Variants in PRMT9 observed in about 807,000 individuals in gnomAD.
PRMT9 encodes protein arginine N-methyltransferase 9.
PRMT9 carries 59 observed loss-of-function variants against 83.2 expected under a neutral mutation model. The observed-to-expected ratio is 0.71, with a 90% CI of 0.57 to 0.88. PRMT9 has a LOEUF of 0.88. Ranked by LOEUF, PRMT9 falls within the 40% of genes least tolerant of loss-of-function variation. The pLI is 0.00. For synonymous variants in PRMT9, 333 were observed against 353.2 expected, an observed-to-expected ratio of 0.94 and a Z score of 0.64; for missense variants, 947 against 1,021.9, an observed-to-expected ratio of 0.93 and a Z score of 1.00.
chr4:147,647,134 GCA>G (rs1733783206), intron 9 of PRMT9, among the ~76,000 whole-genome samples: 2 of 152,096 alleles, frequency 1.3e-5, no homozygotes, highest in Admixed American at 1.3e-4. Flanking sequence ...TAAAATGTAG[GCA>G]CAGTTAAATG....
At chr4:147,663,779 T>C (rs1735138057) in intron 6 of PRMT9, among the ~76,000 whole-genome samples, 2 of 152,216 alleles carry the variant, frequency 1.3e-5, no homozygotes, top group African/African-American at 4.8e-5. Context: ...TCTTCACTGT[T>C]AAAAGTTTAA....
At chr4:147,672,687 G>A (rs1191885523) in intron 4 of PRMT9, among the ~76,000 whole-genome samples, 2 of 152,116 alleles carry the variant, frequency 1.3e-5, no homozygotes, top group Non-Finnish European at 2.9e-5. Flanking sequence ...TTTTTACAAT[G>A]AGAACACTGA....
chr4:147,656,487 T>C (rs1290955035), intron 8 of PRMT9, among the ~76,000 whole-genome samples: 1 of 152,058 alleles, frequency 6.6e-6, no homozygotes, highest in East Asian at 1.9e-4. Flanking sequence ...AAATGAGGTC[T>C]TGCAGCCGGG....
intron 2 of PRMT9, among the ~76,000 whole-genome samples, chr4:147,678,653 C>T (rs546072649): frequency 6.6e-6 from 1 of 152,296 alleles, no homozygotes; most frequent in South Asian, 2.1e-4. Flanking sequence ...CAACAGCTGA[C>T]CTGCTTTTCT....
At chr4:147,680,537 T>C in intron 1 of PRMT9, 66 bp from the exon 2 acceptor site, 3 of 1,204,708 alleles carry the variant, frequency 2.5e-6, no homozygotes, top group Non-Finnish European at 3.6e-6. Flanking sequence ...TATACATCAT[T>C]AGTTGAAGAT....
intron 5 of PRMT9, among the ~76,000 whole-genome samples, chr4:147,669,154 C>T (rs1221834740): frequency 1.3e-5 from 2 of 151,836 alleles, no homozygotes; most frequent in Non-Finnish European, 2.9e-5. Flanking sequence ...TTTGGAAAGC[C>T]AAGGAGAGAG....
chr4:147,649,094 A>C (rs1206125100), intron 9 of PRMT9, among the ~76,000 whole-genome samples: 1 of 152,184 alleles, frequency 6.6e-6, no homozygotes, highest in African/African-American at 2.4e-5. Flanking sequence ...ACTACAACAG[A>C]CTGGGTAATT....
intron 10 of PRMT9, among the ~76,000 whole-genome samples, chr4:147,639,646 T>C (rs1295700229): frequency 2.0e-5 from 3 of 152,172 alleles, no homozygotes; most frequent in Non-Finnish European, 4.4e-5. Flanking sequence ...CCCAGATGTT[T>C]CCAATGTACA....
chr4:147,655,623 G>T (rs1445433099), intron 8 of PRMT9, among the ~76,000 whole-genome samples: 22 of 152,016 alleles, frequency 1.4e-4, no homozygotes, highest in Admixed American at 1.4e-3. Flanking sequence ...GATCACTGTG[G>T]CCTCAATCTC....
intron 1 of PRMT9, among the ~76,000 whole-genome samples, chr4:147,680,907 A>G (rs1391732833): frequency 6.6e-6 from 1 of 152,230 alleles, no homozygotes; most frequent in African/African-American, 2.4e-5. Context: ...AGACTCATAG[A>G]TACAGCTTCC....
chr4:147,662,815 C>T (rs1414538441), intron 6 of PRMT9, among the ~76,000 whole-genome samples: 2 of 151,580 alleles, frequency 1.3e-5, no homozygotes, highest in African/African-American at 4.8e-5. Flanking sequence ...ACAAAAAAAA[C>T]AAAAAAGAAA....
intron 8 of PRMT9, among the ~76,000 whole-genome samples, chr4:147,656,789 A>AC (rs1436988970): frequency 1.3e-5 from 2 of 149,494 alleles, no homozygotes; most frequent in Non-Finnish European, 1.5e-5. Context: ...AAAAAAAAAA[A>AC]AAAAAAGAAA....
At chr4:147,640,541 T>C (rs1578871352) in intron 10 of PRMT9, among the ~76,000 whole-genome samples, 1 of 152,170 alleles carries the variant, frequency 6.6e-6, no homozygotes. Flanking sequence ...CTGCCAAATT[T>C]AAATCTTCAG....
At chr4:147,677,890 G>T (rs892281056) in intron 2 of PRMT9, among the ~76,000 whole-genome samples, 1 of 151,928 alleles carries the variant, frequency 6.6e-6, no homozygotes, top group South Asian at 2.1e-4. Flanking sequence ...ACCATATAAA[G>T]AGTTTACATT....
At chr4:147,642,697 G>C (rs566861550) in intron 10 of PRMT9, 90 bp downstream of exon 10, 2 of 1,116,238 alleles carry the variant, frequency 1.8e-6, no homozygotes, top group South Asian at 1.2e-5. Context: ...TTTAGTCACT[G>C]TGTTTAGCTA....
intron 10 of PRMT9, 104 bp downstream of exon 10, chr4:147,642,683 A>C (rs1578874844): frequency 9.9e-7 from 1 of 1,006,828 alleles, no homozygotes. Context: ...TAATCCAGCT[A>C]AACTTTAGTC....
At position 147,657,938 on chromosome 4, in the gene PRMT9, A is replaced by G. The variant is rs764537941; in HGVS notation, c.1184T>C (p.Ile395Thr). Residue 395 changes from isoleucine (I) to threonine (T), a missense_variant, in exon 8 of 12, where the codon ATT (isoleucine) becomes ACT (threonine). Coordinates refer to ENST00000322396, the MANE Select transcript of PRMT9 (RefSeq NM_138364.4). ...GCCTTCTTTAATAACAGGAATACCA[A>G]TCTTATCAGGCTTTTTAGTTGCAAG... is the stretch of plus-strand genomic sequence containing the variant. ...KSLATKKPDK[I>T]GIPVIKEGIL... The G allele has an allele frequency of 6.2e-7, 1 of 1,607,510 alleles. No homozygotes were observed.
chr4:147,661,065 G>A lies in PRMT9; in HGVS notation c.954-27C>T, dbSNP rs370058516. ...TGGAGAGAGAGAAAATAGGGGAGGG[G>A]TAGGAAGATGGATTTTTTTAGAATC... On this transcript the variant is annotated intron_variant, in intron 6 of 11. Transcript: ENST00000322396. 23 of 1,472,314 alleles carry A rather than the reference G, an allele frequency of 1.6e-5. No homozygotes were observed. In the African/African-American group the frequency reaches 1.9e-4, roughly 12 times the overall value. 91.2% of individuals were successfully genotyped at this position (1,472,314 alleles called of 1,614,324 possible).
chr4:147,659,178 C>CA (rs34005730), intron 7 of PRMT9, among the ~76,000 whole-genome samples: 5,768 of 115,710 alleles, frequency 0.05, 383 homozygotes, highest in African/African-American at 0.16. Flanking sequence ...GAGTCCACCT[C>CA]AAAAAAAAAA....
Sources: gnomAD v4.1 joint callset for allele counts (sites outside exome capture counted in the v4.1 genomes callset) on GRCh38, gnomAD v4.1.1 for gene constraint, MANE v1.5 for transcripts, NCBI Gene and HGNC (gene_info 2026-07-23, HGNC 2026-07-21) for gene names.